The following TLK1 variants were observed in gnomAD, a reference collection of about 807,000 sequenced individuals.
TLK1 encodes tousled like kinase 1, also known as serine/threonine-protein kinase tousled-like 1.
Under a neutral mutation model 105.3 loss-of-function variants are expected in TLK1, and 24 were observed. That is an observed-to-expected ratio of 0.23 (90% CI 0.17 to 0.32). The LOEUF (loss-of-function observed/expected upper bound fraction) is 0.32, where lower values mean the gene tolerates loss of function less well. Among genes scored for constraint, TLK1 ranks in the 10% least tolerant of loss-of-function variants. TLK1 has a pLI of 1.00. For synonymous variants in TLK1, 321 were observed against 310.4 expected (o/e 1.03, Z -0.36); for missense variants, 558 against 910.5 (o/e 0.61, Z 4.98).
intron 1 of TLK1, among the ~76,000 whole-genome samples, chr2:171,199,855 C>T (rs1371224715): frequency 6.6e-6 from 1 of 152,124 alleles, no homozygotes; most frequent in East Asian, 1.9e-4. Flanking sequence ...TACTGGTAAG[C>T]AAATAAACTC....
At chr2:171,091,162 A>G (rs73029214) in intron 2 of TLK1, among the ~76,000 whole-genome samples, 19,674 of 152,228 alleles carry the variant, frequency 0.13, 2,167 homozygotes, top group African/African-American at 0.3. Flanking sequence ...AGTAGTTTTG[A>G]TAGAGACCAC....
intron 1 of TLK1, among the ~76,000 whole-genome samples, chr2:171,158,630 C>T (rs551097205): frequency 1.3e-5 from 2 of 152,242 alleles, no homozygotes; most frequent in African/African-American, 2.4e-5. Flanking sequence ...GATGATATAG[C>T]CTTAAACAAG....
In TLK1 at chr2:171,209,145, G is replaced by C. The variant is rs13386373; in HGVS notation, c.-6+22000C>G. 1.0e-2 allele frequency among the ~76,000 whole-genome samples: 1,522 copies of C among 152,278 alleles called. 31 individuals are homozygous for C. Among genetic ancestry groups the C allele is most frequent in the African/African-American group, 0.035 (1,438 of 41,550 alleles). On this transcript the variant is annotated intron_variant, in intron 1 of 20. Coordinates refer to the TLK1 transcript ENST00000521943. ...TAAGGTGCAGCACAGCGTAAATAGT[G>C]TGTTCCCTTTGTGTAAGAAAGTAGG... is the stretch of plus-strand genomic sequence containing the variant.
chr2:171,044,914 G>T (rs1296398143), intron 11 of TLK1, among the ~76,000 whole-genome samples: 2 of 152,144 alleles, frequency 1.3e-5, no homozygotes, highest in Non-Finnish European at 2.9e-5. Flanking sequence ...AAAAATTTCA[G>T]TTAAGAAAGG....
chr2:171,135,939 G>A (rs766983794), intron 1 of TLK1, among the ~76,000 whole-genome samples: 1 of 152,198 alleles, frequency 6.6e-6, no homozygotes, highest in Non-Finnish European at 1.5e-5. Flanking sequence ...GGGAACCTTT[G>A]TGTACTGTCA....
chr2:171,006,009 TCAA>T, intron 18 of TLK1, 135 bp downstream of exon 18: 1 of 818,858 alleles, frequency 1.2e-6, no homozygotes, highest in Non-Finnish European at 1.8e-6. Flanking sequence ...AGTCTCCCTC[TCAA>T]CTGAGAGCTT....
chr2:171,000,913 T>G (rs1684334406), intron 18 of TLK1, among the ~76,000 whole-genome samples: 1 of 152,208 alleles, frequency 6.6e-6, no homozygotes, highest in African/African-American at 2.4e-5. Context: ...GGCACCAGTT[T>G]GGAAGCACTC....
chr2:171,212,539 G>A (rs1693636755), intron 1 of TLK1, among the ~76,000 whole-genome samples: 1 of 152,132 alleles, frequency 6.6e-6, no homozygotes, highest in Non-Finnish European at 1.5e-5. Flanking sequence ...TAAGGGAAAA[G>A]GATTTGGAAC....
intron 3 of TLK1, among the ~76,000 whole-genome samples, chr2:171,073,660 T>C (rs1558925421): frequency 6.6e-6 from 1 of 152,140 alleles, no homozygotes; most frequent in Non-Finnish European, 1.5e-5. Context: ...ACCCGGTTAA[T>C]ACAATATATT....
intron 3 of TLK1, among the ~76,000 whole-genome samples, chr2:171,066,545 G>T (rs1187184766): frequency 6.6e-6 from 1 of 152,100 alleles, no homozygotes; most frequent in Non-Finnish European, 1.5e-5. Flanking sequence ...CCAAAGAAAT[G>T]TAATATTAAA....
At chr2:171,188,975 T>C (rs1223431510) in intron 1 of TLK1, among the ~76,000 whole-genome samples, 4 of 152,102 alleles carry the variant, frequency 2.6e-5, no homozygotes, top group Non-Finnish European at 5.9e-5. Flanking sequence ...ATTTACATCC[T>C]TTGTGCTTAA....
intron 1 of TLK1, among the ~76,000 whole-genome samples, chr2:171,191,981 C>T (rs58289498): frequency 0.092 from 13,917 of 152,076 alleles, 1,293 homozygotes; most frequent in East Asian, 0.3. Context: ...CACAGAATCC[C>T]TTTTACCTCA....
intron 1 of TLK1, chr2:171,154,049 C>T (rs1692142162): frequency 6.7e-6 from 1 of 149,922 alleles, no homozygotes; most frequent in Non-Finnish European, 1.5e-5. Flanking sequence ...GGACTACCGA[C>T]ATATGCCACC....
chr2:171,000,939 C>A (rs1450908251), intron 18 of TLK1, among the ~76,000 whole-genome samples: 1 of 152,174 alleles, frequency 6.6e-6, no homozygotes, highest in Non-Finnish European at 1.5e-5. Context: ...CATCAAGTCA[C>A]CTTAATTCCT....
intron 1 of TLK1, among the ~76,000 whole-genome samples, chr2:171,187,894 T>C (rs1415548626): frequency 3.3e-5 from 5 of 152,156 alleles, no homozygotes; most frequent in African/African-American, 1.2e-4. Context: ...TTTAATTATA[T>C]ACCAATAAAA....
chr2:171,055,336 A>G (rs1305177526), intron 6 of TLK1, among the ~76,000 whole-genome samples, 164 bp from the exon 7 acceptor site: 1 of 151,934 alleles, frequency 6.6e-6, no homozygotes, highest in Non-Finnish European at 1.5e-5. Context: ...TTTAATCACC[A>G]TTTATTCAAC....
intron 3 of TLK1, among the ~76,000 whole-genome samples, 178 bp downstream of exon 3, chr2:171,082,603 C>T (rs1440866312): frequency 6.6e-6 from 1 of 152,118 alleles, no homozygotes; most frequent in Non-Finnish European, 1.5e-5. Context: ...CTTTCTAATG[C>T]CAAATGCAGT....
chr2:171,208,986 A>G (rs943494896), intron 1 of TLK1, among the ~76,000 whole-genome samples: 1 of 152,252 alleles, frequency 6.6e-6, no homozygotes, highest in Non-Finnish European at 1.5e-5. Context: ...ACAACCTTGT[A>G]TAGAAGACAC....
intron 10 of TLK1, among the ~76,000 whole-genome samples, chr2:171,049,218 C>T (rs1050207900): frequency 6.6e-6 from 1 of 152,112 alleles, no homozygotes; most frequent in Admixed American, 6.6e-5. Flanking sequence ...TACCCCGAAC[C>T]TCAGTATCAA....
Sources: allele counts gnomAD v4.1 joint callset (sites outside exome capture counted in the v4.1 genomes callset), GRCh38; gene constraint gnomAD v4.1.1; transcripts MANE v1.5; gene names NCBI Gene and HGNC (gene_info 2026-07-23, HGNC 2026-07-21).